ALPK1: variants seen among roughly 807,000 people sequenced by gnomAD.
The protein encoded by ALPK1 is alpha-protein kinase 1.
ALPK1 carries 110 observed loss-of-function variants against 120.6 expected under a neutral mutation model. The observed-to-expected ratio is 0.91, with a 90% CI of 0.78 to 1.07. The LOEUF (loss-of-function observed/expected upper bound fraction) is 1.07, where lower values mean the gene tolerates loss of function less well. ALPK1 is among the 50% of genes least tolerant of loss of function. The pLI is 0.00. For missense variants in ALPK1, 1,498 were observed against 1,483.9 expected (o/e 1.01, Z -0.16); for synonymous variants, 582 against 560.3 (o/e 1.04, Z -0.55).
In ALPK1 at chr4:112,373,593, T is replaced by A. The variant is rs562803057; in HGVS notation, c.-100-4085T>A. 6.6e-5 allele frequency among the ~76,000 whole-genome samples: 10 copies of A among 152,296 alleles called. No individual in the cohort carries two copies. The East Asian group carries it at 1.7e-3, about 26-fold the overall frequency. On this transcript the variant is annotated intron_variant, in intron 2 of 15. Coordinates refer to ENST00000650871, the MANE Select transcript of ALPK1 (RefSeq NM_025144.4). ...GTCTGCACAGAAGCAAGTATCACAA[T>A]AAAGTGAGTCACACAAAGCCGGGTG...
intron 2 of ALPK1, among the ~76,000 whole-genome samples, chr4:112,331,968 C>A (rs995226096): frequency 6.6e-6 from 1 of 152,168 alleles, no homozygotes; most frequent in African/African-American, 2.4e-5. Context: ...TACCAAATAA[C>A]AACCACTAAG....
intron 2 of ALPK1, among the ~76,000 whole-genome samples, chr4:112,373,090 C>T (rs1237254940): frequency 2.6e-5 from 4 of 152,180 alleles, no homozygotes; most frequent in Non-Finnish European, 5.9e-5. Flanking sequence ...CTGCAGCTCA[C>T]GCCAAGCAAA....
At chr4:112,354,309 C>T (rs151277189) in intron 2 of ALPK1, among the ~76,000 whole-genome samples, 215 of 152,022 alleles carry the variant, frequency 1.4e-3, no homozygotes, top group African/African-American at 4.8e-3. Flanking sequence ...CTTTTACACA[C>T]TGTGTAGTTT....
At chr4:112,332,492 T>C (rs1454414050) in intron 2 of ALPK1, among the ~76,000 whole-genome samples, 1 of 152,220 alleles carries the variant, frequency 6.6e-6, no homozygotes, top group Non-Finnish European at 1.5e-5. Context: ...TATTTGCTAA[T>C]TTATGCTCAG....
In ALPK1 at chr4:112,427,619, G is replaced by A. The variant is rs150823391; in HGVS notation, c.749G>A (p.Ser250Asn). The part of the protein sequence containing the change: ...GILADIFVSM[S>N]KNDYEKFKNN... ...CTGGCAGACATCTTTGTTTCCATGA[G>A]CAAGAACGATTATGAAAAGTTTAAA... is the stretch of plus-strand genomic sequence containing the variant. Residue 250 changes from serine to asparagine, a missense_variant, in exon 9 of 16, where the codon AGC (serine) becomes AAC (asparagine). By Grantham distance (46) the Ser-to-Asn change is conservative (BLOSUM62 1). Coordinates refer to ENST00000650871, the MANE Select transcript of ALPK1 (RefSeq NM_025144.4). 162 of 1,613,936 alleles carry A rather than the reference G, an allele frequency of 1.0e-4. No homozygotes were observed. Among genetic ancestry groups the A allele is most frequent in the Admixed American group, 4.3e-4 (26 of 60,004 alleles).
intron 2 of ALPK1, among the ~76,000 whole-genome samples, chr4:112,373,224 C>G (rs1359491483): frequency 2.0e-5 from 3 of 152,228 alleles, no homozygotes; most frequent in Non-Finnish European, 4.4e-5. Flanking sequence ...TTCATTGCTT[C>G]AGGGCCTCTT....
At chr4:112,367,819 C>G (rs137938660) in intron 2 of ALPK1, among the ~76,000 whole-genome samples, 93 of 152,306 alleles carry the variant, frequency 6.1e-4, no homozygotes, top group African/African-American at 2.2e-3. Flanking sequence ...TATTCTATTT[C>G]TCTGCCTTTT....
intron 12 of ALPK1, among the ~76,000 whole-genome samples, chr4:112,438,189 C>T (rs1286965974): frequency 6.6e-6 from 1 of 152,172 alleles, no homozygotes; most frequent in Admixed American, 6.5e-5. Flanking sequence ...TTCCAGTATA[C>T]TTTGCTGACC....
At chr4:112,410,484 G>A (rs958826676) in intron 4 of ALPK1, among the ~76,000 whole-genome samples, 3 of 152,240 alleles carry the variant, frequency 2.0e-5, no homozygotes, top group Non-Finnish European at 2.9e-5. Flanking sequence ...TGCCCAGTAA[G>A]TGTTAGTACT....
intron 2 of ALPK1, chr4:112,357,574 T>G: frequency 1.4e-6 from 2 of 1,435,958 alleles, no homozygotes; most frequent in South Asian, 1.2e-5. Context: ...GGCCCCCGGG[T>G]CCTCCTTTGC....
intron 4 of ALPK1, among the ~76,000 whole-genome samples, chr4:112,394,708 T>G (rs1732573697): frequency 6.6e-6 from 1 of 152,224 alleles, no homozygotes; most frequent in African/African-American, 2.4e-5. Context: ...GAATCAGGCA[T>G]GCAAGTTATC....
At chr4:112,378,730 G>T (rs373286367) in intron 3 of ALPK1, among the ~76,000 whole-genome samples, 1 of 152,112 alleles carries the variant, frequency 6.6e-6, no homozygotes, top group African/African-American at 2.4e-5. Context: ...CAAATAAAAT[G>T]CATACTCCTC....
At chr4:112,426,445 C>T (rs1734236902) in intron 7 of ALPK1, 22 bp from the exon 8 acceptor site, 2 of 1,588,264 alleles carry the variant, frequency 1.3e-6, no homozygotes, top group Non-Finnish European at 1.7e-6. Context: ...GTCCCTCTCC[C>T]CGCCCCTCTT....
chr4:112,312,343 G>T (rs1422850062), intron 1 of ALPK1, among the ~76,000 whole-genome samples: 6 of 151,788 alleles, frequency 4.0e-5, no homozygotes, highest in Non-Finnish European at 8.8e-5. Flanking sequence ...GCCTGATCTA[G>T]GCTCACTGCA....
chr4:112,391,816 A>G (rs1732432412), intron 4 of ALPK1, among the ~76,000 whole-genome samples: 1 of 152,170 alleles, frequency 6.6e-6, no homozygotes, highest in African/African-American at 2.4e-5. Context: ...TATTCTTTTA[A>G]ATCACCCAGT....
intron 2 of ALPK1, among the ~76,000 whole-genome samples, chr4:112,353,805 G>C (rs1033104993): frequency 6.6e-6 from 1 of 151,992 alleles, no homozygotes; most frequent in East Asian, 1.9e-4. Context: ...GGAGGTGAAG[G>C]TTTCAGTGAG....
At chr4:112,432,669 C>T (rs1734626104) in intron 11 of ALPK1, 88 bp downstream of exon 11, 1 of 1,291,080 alleles carries the variant, frequency 7.7e-7, no homozygotes, top group African/African-American at 1.5e-5. Flanking sequence ...TCACTTAAAG[C>T]TCATGAAAGG....
chr4:112,415,653 A>T (rs1733713976), intron 5 of ALPK1, among the ~76,000 whole-genome samples: 1 of 104,218 alleles, frequency 9.6e-6, no homozygotes, highest in African/African-American at 3.9e-5. Context: ...AAAGAAAGAA[A>T]GAAAACAAAA....
intron 4 of ALPK1, among the ~76,000 whole-genome samples, chr4:112,386,350 C>A (rs1054832461): frequency 1.3e-5 from 2 of 152,186 alleles, no homozygotes; most frequent in African/African-American, 4.8e-5. Context: ...CCAGAAAAAA[C>A]ACCTGCAGTA....
Sources: gnomAD v4.1 joint callset for allele counts (sites outside exome capture counted in the v4.1 genomes callset) on GRCh38, gnomAD v4.1.1 for gene constraint, MANE v1.5 for transcripts, NCBI Gene and HGNC (gene_info 2026-07-23, HGNC 2026-07-21) for gene names.